NDST3: variants seen among roughly 807,000 people sequenced by gnomAD.
The protein encoded by NDST3 is N-deacetylase and N-sulfotransferase 3.
A neutral mutation model predicts 96.1 loss-of-function variants in NDST3; 58 were observed. The ratio of observed to expected loss-of-function variants is 0.60; its 90% CI spans 0.49 to 0.75. The LOEUF is 0.75. NDST3 is among the 30% of genes least tolerant of loss of function. The pLI, the probability that NDST3 is intolerant of heterozygous loss-of-function variation, is 0.00. For missense variants in NDST3, 788 were observed against 1,034.2 expected, an observed-to-expected ratio of 0.76 and a Z score of 3.27; for synonymous variants, 333 against 359.7, an observed-to-expected ratio of 0.93 and a Z score of 0.84.
At chr4:118,112,098 T>C (rs1730690435) in intron 3 of NDST3, among the ~76,000 whole-genome samples, 1 of 151,226 alleles carries the variant, frequency 6.6e-6, no homozygotes, top group Non-Finnish European at 1.5e-5. Flanking sequence ...GACATAAAAT[T>C]GTGCCTAATA....
chr4:118,073,940 C>T (rs890965896), intron 2 of NDST3, among the ~76,000 whole-genome samples: 2 of 152,088 alleles, frequency 1.3e-5, no homozygotes, highest in African/African-American at 4.8e-5. Context: ...CTTAACATTG[C>T]TTTAGCTATA....
At chr4:118,146,518 C>A (rs1733957901) in intron 6 of NDST3, among the ~76,000 whole-genome samples, 1 of 151,988 alleles carries the variant, frequency 6.6e-6, no homozygotes, top group South Asian at 2.1e-4. Flanking sequence ...AATAAGGTGC[C>A]CCTCAGAGTT....
intron 4 of NDST3, among the ~76,000 whole-genome samples, chr4:118,137,031 T>A (rs964095665): frequency 1.3e-5 from 2 of 152,146 alleles, no homozygotes; most frequent in African/African-American, 4.8e-5. Flanking sequence ...TTATTTAGGT[T>A]TAAAAACAAA....
At chr4:118,189,495 C>T (rs889409078) in intron 6 of NDST3, among the ~76,000 whole-genome samples, 9 of 152,138 alleles carry the variant, frequency 5.9e-5, no homozygotes, top group Admixed American at 2.0e-4. Context: ...AAACACAATA[C>T]TGAAGCTGAA....
intron 6 of NDST3, among the ~76,000 whole-genome samples, chr4:118,149,147 G>A (rs1245917942): frequency 2.0e-5 from 3 of 152,144 alleles, no homozygotes; most frequent in African/African-American, 4.8e-5. Context: ...ATGCTGTTTT[G>A]GTTACTGTAG....
intron 2 of NDST3, among the ~76,000 whole-genome samples, chr4:118,083,979 A>C (rs994305407): frequency 1.3e-5 from 2 of 152,196 alleles, no homozygotes; most frequent in African/African-American, 4.8e-5. Flanking sequence ...CAATGAGAAC[A>C]ATAGGTTCAC....
At chr4:118,221,751 T>C (rs1240058960) in intron 6 of NDST3, among the ~76,000 whole-genome samples, 1 of 152,094 alleles carries the variant, frequency 6.6e-6, no homozygotes, top group Non-Finnish European at 1.5e-5. Flanking sequence ...TACACATCTA[T>C]ATCTCACAGA....
At chr4:118,151,071 G>C (rs1009109716) in intron 6 of NDST3, among the ~76,000 whole-genome samples, 2 of 152,086 alleles carry the variant, frequency 1.3e-5, no homozygotes, top group Non-Finnish European at 2.9e-5. Context: ...AAAATGATGA[G>C]TTCATGTCCT....
At chr4:118,056,443 A>T (rs1204421491) in intron 2 of NDST3, among the ~76,000 whole-genome samples, 1 of 151,992 alleles carries the variant, frequency 6.6e-6, no homozygotes, top group Non-Finnish European at 1.5e-5. Flanking sequence ...TCATATTTAG[A>T]TAGAAATATA....
rs568734731 is a variant in NDST3, at chr4:118,258,459, A to G, written c.*2747A>G. ...GTTTAAAATATGAAACTTCCTCAGG[A>G]AGAAATGAAATGGTTATTTCAATGT... On this transcript the variant is annotated 3_prime_UTR_variant, in exon 14 of 14. Transcript: ENST00000296499. 6.6e-6 allele frequency: 1 copy of G among 152,330 alleles called. No homozygotes were observed. The highest frequency in any genetic ancestry group is 2.1e-4 in the South Asian group (1 of 4,830). The allele number at this position is 152,330 out of a possible 1,614,324, so 9.4% of individuals were successfully genotyped here.
intron 4 of NDST3, 138 bp from the exon 5 acceptor site, chr4:118,137,916 T>C: frequency 4.2e-6 from 3 of 722,182 alleles, no homozygotes; most frequent in Non-Finnish European, 4.3e-6. Flanking sequence ...TTAATACTTA[T>C]ATCACTTTAA....
At chr4:118,127,090 A>G (rs1024350254) in intron 4 of NDST3, among the ~76,000 whole-genome samples, 3 of 151,902 alleles carry the variant, frequency 2.0e-5, no homozygotes, top group Admixed American at 6.6e-5. Context: ...TATTCTGGTT[A>G]TTAATCTCTT....
At chr4:118,233,279 G>C in intron 9 of NDST3, 144 bp downstream of exon 9, 1 of 669,012 alleles carries the variant, frequency 1.5e-6, no homozygotes, top group Non-Finnish European at 2.2e-6. Context: ...ATATCATAAA[G>C]GGGCTCAGAA....
rs1739916346 is a variant in NDST3 at position 118,226,880 on chromosome 4, A to G, written c.1723-6A>G. 6.2e-7 allele frequency: 1 copy of G among 1,603,312 alleles called. No individual in the cohort carries two copies. The highest frequency in any genetic ancestry group is 1.3e-5 in the African/African-American group (1 of 74,388). On this transcript the variant is annotated splice_polypyrimidine_tract_variant and splice_region_variant and intron_variant, in intron 7 of 13. Transcript: ENST00000296499. ...AAATACATCTCTATGTTCTTCTCCCATTTAGAATCCTTGCGATGACAAACG... is the reference window on the plus strand; with the variant it reads ...AAATACATCTCTATGTTCTTCTCCCGTTTAGAATCCTTGCGATGACAAACG...
At position 118,042,075 on chromosome 4, in the gene NDST3, T is replaced by C. The variant is rs1173492570; in HGVS notation, c.-156+7483T>C. On this transcript the variant is annotated intron_variant, in intron 1 of 13. Coordinates refer to ENST00000296499, the MANE Select transcript of NDST3 (RefSeq NM_004784.3). The stretch of plus-strand genomic sequence containing the variant: ...TCAATTCCAAAGATTTTCTTGACAT[T>C]TTGTATTTGTCTACATCCAACTATG... Among the ~76,000 whole-genome samples the C allele has an allele frequency of 2.0e-5, 3 of 152,208 alleles. No homozygotes were observed. The East Asian group carries it at 5.8e-4, about 29-fold the overall frequency.
At chr4:118,092,225 G>GT (rs11408271) in intron 2 of NDST3, among the ~76,000 whole-genome samples, 107,976 of 146,442 alleles carry the variant, frequency 0.74, 41,996 homozygotes, top group South Asian at 0.9. Flanking sequence ...TATTTTCATT[G>GT]TTTTTTTTTT....
Position 118,257,013 on chromosome 4 carries a change from C to T in NDST3, c.*1301C>T, listed in dbSNP as rs979836939. The stretch of plus-strand genomic sequence containing the variant: ...GCTACTAAATTAAATGCAGGAAGTA[C>T]AAAGATGAGCAAGTCATGCTCTTGA... On this transcript the variant is annotated 3_prime_UTR_variant, in exon 14 of 14. Coordinates refer to ENST00000296499, the MANE Select transcript of NDST3 (RefSeq NM_004784.3). 6.6e-6 allele frequency: 1 copy of T among 151,880 alleles called. No homozygotes were observed. The highest frequency in any genetic ancestry group is 2.4e-5 in the African/African-American group (1 of 41,330). The allele number at this position is 151,880 out of a possible 1,614,324, so 9.4% of individuals were successfully genotyped here.
chr4:118,255,570 T>G (rs1347590722), intron 13 of NDST3, 23 bp from the exon 14 acceptor site: 1 of 1,591,510 alleles, frequency 6.3e-7, no homozygotes, highest in Non-Finnish European at 8.6e-7. Flanking sequence ...AAAATGTACT[T>G]TTCTCTCCTC....
intron 6 of NDST3, among the ~76,000 whole-genome samples, chr4:118,155,341 T>C (rs1734653269): frequency 6.6e-6 from 1 of 152,160 alleles, no homozygotes; most frequent in Non-Finnish European, 1.5e-5. Context: ...CTATGTGGGT[T>C]TTCTCCTGAT....
Sources: gnomAD v4.1 joint callset for allele counts (sites outside exome capture counted in the v4.1 genomes callset) on GRCh38, gnomAD v4.1.1 for gene constraint, MANE v1.5 for transcripts, NCBI Gene and HGNC (gene_info 2026-07-23, HGNC 2026-07-21) for gene names.